The following SLC2A1 variants were observed in gnomAD, a reference collection of about 807,000 sequenced individuals.
SLC2A1 encodes solute carrier family 2, facilitated glucose transporter member 1.
A neutral mutation model predicts 46.6 loss-of-function variants in SLC2A1; 4 were observed. The ratio of observed to expected loss-of-function variants is 0.09; its 90% CI spans 0.04 to 0.20. The LOEUF (loss-of-function observed/expected upper bound fraction) is 0.20, where lower values mean the gene tolerates loss of function less well. Ranked by LOEUF, SLC2A1 falls within the 10% of genes least tolerant of loss-of-function variation. The probability of loss-of-function intolerance (pLI) is 1.00; values close to 1 mark genes in which losing one functional copy is unlikely to be tolerated. For synonymous variants in SLC2A1, 253 were observed against 270.0 expected, an observed-to-expected ratio of 0.94 and a Z score of 0.62; for missense variants, 352 against 667.0, an observed-to-expected ratio of 0.53 and a Z score of 5.20.
chr1:42,949,455 C>A lies in SLC2A1; in HGVS notation c.19-6134G>T, dbSNP rs555976644. 3.9e-5 allele frequency among the ~76,000 whole-genome samples: 6 copies of A among 152,292 alleles called. No individual in the cohort carries two copies. The East Asian group carries it at 9.6e-4, about 24-fold the overall frequency. ...CTACCCTCTGACCGGTTCCATCCTG[C>A]CAAGCCTTTTAAAAAAGAAGAGTGA... On this transcript the variant is annotated intron_variant, in intron 1 of 9. Coordinates refer to ENST00000426263, the MANE Select transcript of SLC2A1 (RefSeq NM_006516.4).
At chr1:42,957,475 C>T (rs559276516) in intron 1 of SLC2A1, among the ~76,000 whole-genome samples, 21 of 152,310 alleles carry the variant, frequency 1.4e-4, no homozygotes, top group African/African-American at 4.8e-4. Flanking sequence ...GTGCTACCCC[C>T]GCGTCCCAGC....
In SLC2A1 at chr1:42,958,768, G is replaced by C; in HGVS notation, c.-117C>G. ...GTCCGGGGACTCCCACTGCGACTCT[G>C]ACTCCGACCCCCGTCGTTTGGTCTC... On this transcript the variant is annotated 5_prime_UTR_variant, in exon 1 of 10. Transcript: ENST00000426263. 9.2e-7 allele frequency: 1 copy of C among 1,092,704 alleles called. No homozygotes were observed. The highest frequency in any genetic ancestry group is 1.3e-6 in the Non-Finnish European group (1 of 757,540). 67.7% of individuals were successfully genotyped at this position (1,092,704 alleles called of 1,614,324 possible).
chr1:42,950,275 C>T (rs568240246), intron 1 of SLC2A1, among the ~76,000 whole-genome samples: 3 of 152,320 alleles, frequency 2.0e-5, no homozygotes, highest in Admixed American at 1.3e-4. Flanking sequence ...AGTGGCAGGC[C>T]GAGAACTACA....
intron 2 of SLC2A1, among the ~76,000 whole-genome samples, chr1:42,933,895 T>C (rs1371770701): frequency 6.6e-6 from 1 of 152,132 alleles, no homozygotes; most frequent in African/African-American, 2.4e-5. Flanking sequence ...GGAGAGGTGT[T>C]TGTCCCTGTG....
At chr1:42,949,217 C>T (rs1254645876) in intron 1 of SLC2A1, among the ~76,000 whole-genome samples, 1 of 152,058 alleles carries the variant, frequency 6.6e-6, no homozygotes, top group Admixed American at 6.6e-5. Context: ...GACTGCATTC[C>T]AGTCTGGGCG....
intron 1 of SLC2A1, among the ~76,000 whole-genome samples, chr1:42,957,868 G>C (rs935841120): frequency 5.9e-5 from 9 of 152,112 alleles, no homozygotes; most frequent in Non-Finnish European, 1.2e-4. Context: ...CCGCCCCTCC[G>C]GTTGCGCTCC....
At position 42,927,143 on chromosome 1, in the gene SLC2A1, G is replaced by A; in HGVS notation, c.1377C>T (p.Thr459=). 4 of 1,614,214 alleles carry A rather than the reference G, an allele frequency of 2.5e-6. No homozygotes were observed. The highest frequency in any genetic ancestry group is 3.4e-6 in the Non-Finnish European group (4 of 1,180,050). The change falls in exon 10 of 10, where the codon ACC becomes ACT. Residue 459 remains threonine (T), a synonymous_variant. Transcript: ENST00000426263. This position sits in a 1 kb window ranked among gnomAD's most constrained non-coding sequence, Gnocchi z 5.3. ...GGAAGCCGGAAGCGATCTCATCGAA[G>A]GTCCGGCCTTTAGTCTCAGGAACTT... ...YFKVPETKGR[T]FDEIASGFRQ...
At chr1:42,937,024 A>G (rs1643548420) in intron 2 of SLC2A1, among the ~76,000 whole-genome samples, 2 of 152,134 alleles carry the variant, frequency 1.3e-5, no homozygotes, top group African/African-American at 2.4e-5. Flanking sequence ...GCTGATAAAC[A>G]TCCTCCAATG....
chr1:42,946,984 G>A (rs3768036), intron 1 of SLC2A1, among the ~76,000 whole-genome samples: 22,080 of 152,178 alleles, frequency 0.15, 1,804 homozygotes, highest in South Asian at 0.19. Flanking sequence ...TTAAAGGGTT[G>A]CTGTTACGTT....
At chr1:42,944,054 A>T (rs1643626249) in intron 1 of SLC2A1, among the ~76,000 whole-genome samples, 1 of 152,154 alleles carries the variant, frequency 6.6e-6, no homozygotes, top group Admixed American at 6.5e-5. Flanking sequence ...CACGGCAATA[A>T]TCCCCAAACC....
chr1:42,938,000 C>T (rs841846), intron 2 of SLC2A1, among the ~76,000 whole-genome samples: 110,461 of 152,026 alleles, frequency 0.73, 40,502 homozygotes, highest in African/African-American at 0.83. Flanking sequence ...TGTCAAACAA[C>T]TGAGGCCTTT....
Position 42,927,671 on chromosome 1 carries a change from A to C in SLC2A1, c.1212T>G (p.Ile404Met). The change falls in exon 9 of 10, where the codon ATT (isoleucine) becomes ATG (methionine). Residue 404 changes from isoleucine to methionine, a missense_variant. By Grantham distance (10) the Ile-to-Met change is conservative. Coordinates refer to ENST00000426263, the MANE Select transcript of SLC2A1 (RefSeq NM_006516.4). This position sits in a 1 kb window ranked among gnomAD's most constrained non-coding sequence, Gnocchi z 5.3. ...TCCAGTTGGAGAAGCCTGCAACGGCAATGGCAGCTGGACGTGGACCCTGGC... is the reference window on the plus strand; with the variant it reads ...TCCAGTTGGAGAAGCCTGCAACGGCCATGGCAGCTGGACGTGGACCCTGGC... ...LFSQGPRPAA[I>M]AVAGFSNWTS... The C allele has an allele frequency of 6.2e-7, 1 of 1,614,208 alleles. No individual in the cohort carries two copies. Among genetic ancestry groups the C allele is most frequent in the Non-Finnish European group, 8.5e-7 (1 of 1,180,034 alleles).
Position 42,958,837 on chromosome 1 carries a change from G to C in SLC2A1, c.-186C>G, listed in dbSNP as rs1643811170. 1 of 582,608 alleles carries C rather than the reference G, an allele frequency of 1.7e-6. No homozygotes were observed. The highest frequency in any genetic ancestry group is 3.0e-6 in the Non-Finnish European group (1 of 331,364). 36.1% of individuals were successfully genotyped at this position (582,608 alleles called of 1,614,324 possible). ...ACTCGGGGACCCGCGACTAGCGACC[G>C]GCACGCTCGCTGTTGCTACCTCTTG... On this transcript the variant is annotated 5_prime_UTR_variant, in exon 1 of 10. Transcript: ENST00000426263.
At chr1:42,945,437 A>G (rs1643643957) in intron 1 of SLC2A1, among the ~76,000 whole-genome samples, 1 of 152,018 alleles carries the variant, frequency 6.6e-6, no homozygotes, top group African/African-American at 2.4e-5. Context: ...GGTTAAAAAA[A>G]AAAATTGGCT....
chr1:42,956,181 T>C (rs777695329), intron 1 of SLC2A1, among the ~76,000 whole-genome samples: 14 of 152,194 alleles, frequency 9.2e-5, no homozygotes, highest in Non-Finnish European at 1.6e-4. Context: ...TGCTGTCTTG[T>C]ATCTATCTGT....
intron 1 of SLC2A1, among the ~76,000 whole-genome samples, chr1:42,950,819 G>A (rs568021123): frequency 2.0e-5 from 3 of 152,110 alleles, no homozygotes; most frequent in African/African-American, 7.2e-5. Flanking sequence ...CTAAAAATAC[G>A]AAAAATTAGC....
In SLC2A1 at chr1:42,926,629, G is replaced by A. The variant is rs1206159096; in HGVS notation, c.*412C>T. Reference sequence around the variant, plus strand: ...ATAGAAGCTTTGTAGTTCATAGTTCGATTAGTGTGTCCTTAGGACATAGGT... The same window carrying A: ...ATAGAAGCTTTGTAGTTCATAGTTCAATTAGTGTGTCCTTAGGACATAGGT... On this transcript the variant is annotated 3_prime_UTR_variant, in exon 10 of 10. Coordinates refer to ENST00000426263, the MANE Select transcript of SLC2A1 (RefSeq NM_006516.4). The A allele has an allele frequency of 1.8e-6, 2 of 1,128,528 alleles. No homozygotes were observed. The highest frequency in any genetic ancestry group is 5.8e-5 in the East Asian group (1 of 17,312). 69.9% of individuals were successfully genotyped at this position (1,128,528 alleles called of 1,614,324 possible).
rs775423002 is a variant in SLC2A1, at chr1:42,931,212, G to A, written c.115-6C>T. 2 of 1,612,978 alleles carry A rather than the reference G, an allele frequency of 1.2e-6. No homozygotes were observed. Among genetic ancestry groups the A allele is most frequent in the Non-Finnish European group, 1.7e-6 (2 of 1,179,146 alleles). ...TTGTAGAACTCCTCGATCACCTGCA[G>A]GGGGAGATGCAGCCTGGGTGAGCAA... On this transcript the variant is annotated splice_region_variant and splice_polypyrimidine_tract_variant and intron_variant, in intron 2 of 9. Coordinates refer to ENST00000426263, the MANE Select transcript of SLC2A1 (RefSeq NM_006516.4).
chr1:42,927,458 G>C lies in SLC2A1; in HGVS notation c.1278+147C>G. The C allele has an allele frequency of 1.1e-6, 1 of 870,466 alleles. No homozygotes were observed. Among genetic ancestry groups the C allele is most frequent in the South Asian group, 1.5e-5 (1 of 68,870 alleles). The allele number at this position is 870,466 out of a possible 1,614,324, so 53.9% of individuals were successfully genotyped here. ...GCTAAGGGGAGAACCCTGGAGTTGA[G>C]GTCAGCATTCTTGGTCATGTGACCT... On this transcript the variant is annotated intron_variant, in intron 9 of 9. Coordinates refer to ENST00000426263, the MANE Select transcript of SLC2A1 (RefSeq NM_006516.4). The surrounding 1 kb of genome is among the most constrained non-coding windows in gnomAD (Gnocchi z 5.3).
Sources: gnomAD v4.1 joint callset for allele counts (sites outside exome capture counted in the v4.1 genomes callset) on GRCh38, gnomAD v4.1.1 for gene constraint, Gnocchi (gnomAD v3.1) non-coding constraint, MANE v1.5 for transcripts, NCBI Gene and HGNC (gene_info 2026-07-23, HGNC 2026-07-21) for gene names.